Variants in DCX observed in about 807,000 individuals in gnomAD.
DCX encodes the protein neuronal migration protein doublecortin.
In DCX, 4 loss-of-function variants were observed where a neutral mutation model predicts 20.9. That is an observed-to-expected ratio of 0.19 (90% CI 0.09 to 0.44). The LOEUF is 0.44. Among genes scored for constraint, DCX ranks in the 20% least tolerant of loss-of-function variants. The pLI is 0.99. For missense variants in DCX, 133 were observed against 296.9 expected, an observed-to-expected ratio of 0.45 and a Z score of 4.06; for synonymous variants, 103 against 111.4, an observed-to-expected ratio of 0.92 and a Z score of 0.47.
At chrX:111,306,361 G>A (rs1040763461) in intron 6 of DCX, among the ~76,000 whole-genome samples, 20 of 111,706 alleles carry the variant, frequency 1.8e-4, no homozygotes, top group African/African-American at 6.2e-4. Context: ...ATGATAAAAA[G>A]AGTCAATATA....
At chrX:111,350,395 C>A (rs751266613) in intron 3 of DCX, among the ~76,000 whole-genome samples, 1 of 112,101 alleles carries the variant, frequency 8.9e-6, no homozygotes, top group African/African-American at 3.2e-5. Flanking sequence ...AAAGCCTTTA[C>A]GCATTTTGTG....
intron 3 of DCX, among the ~76,000 whole-genome samples, chrX:111,360,804 C>T (rs1569493117): frequency 9.0e-6 from 1 of 111,479 alleles, no homozygotes; most frequent in East Asian, 2.8e-4. Flanking sequence ...ATAGAAAGAG[C>T]TCTAAATGGT....
chrX:111,317,886 T>C (rs2095076720), intron 5 of DCX, among the ~76,000 whole-genome samples: 1 of 110,882 alleles, frequency 9.0e-6, no homozygotes, highest in African/African-American at 3.3e-5. Flanking sequence ...CCAGTCAGAA[T>C]GGCTATTAAT....
chrX:111,351,717 C>T (rs948316685), intron 3 of DCX, among the ~76,000 whole-genome samples: 1 of 111,853 alleles, frequency 8.9e-6, no homozygotes. Context: ...TTAGTAAATA[C>T]AGAAGGCTCA....
At chrX:111,381,789 A>G (rs1434912659) in intron 3 of DCX, among the ~76,000 whole-genome samples, 2 of 111,717 alleles carry the variant, frequency 1.8e-5, no homozygotes. Flanking sequence ...TCGTAAAACA[A>G]AAATCAACAA....
chrX:111,312,791 C>T (rs974856203), intron 5 of DCX, 55 bp from the exon 6 acceptor site: 99 of 1,091,246 alleles, frequency 9.1e-5, no homozygotes, highest in Non-Finnish European at 1.2e-4. Flanking sequence ...TACAAAGGAG[C>T]AAGTTATCCT....
rs1230856154 is a variant in DCX, at chrX:111,298,617, C to T, written c.*3070G>A. 1 of 111,826 alleles carries T rather than the reference C, an allele frequency of 8.9e-6. No homozygotes were observed. Among genetic ancestry groups the T allele is most frequent in the African/African-American group, 3.3e-5 (1 of 30,608 alleles). The allele number at this position is 111,826 out of a possible 1,213,427, so 9.2% of individuals were successfully genotyped here. Reference sequence around the variant, plus strand: ...TGTGACCTTGGGGAAATTACTTTACCTCTGTGTCTCGGTTTCCTGGCCTGA... The same window carrying T: ...TGTGACCTTGGGGAAATTACTTTACTTCTGTGTCTCGGTTTCCTGGCCTGA... On this transcript the variant is annotated 3_prime_UTR_variant, in exon 7 of 7. Transcript: ENST00000636035.
chrX:111,327,212 G>A (rs1230790032), intron 5 of DCX, among the ~76,000 whole-genome samples: 1 of 111,691 alleles, frequency 9.0e-6, no homozygotes, highest in African/African-American at 3.3e-5. Flanking sequence ...GTTGAAAGAA[G>A]TTTTATAAAT....
Position 111,376,289 on chromosome X carries a change from CAG to C in DCX, c.705+24699_705+24700del, listed in dbSNP as rs777965033. 5.4e-5 allele frequency among the ~76,000 whole-genome samples: 6 copies of C among 111,945 alleles called. No individual in the cohort carries two copies. In the East Asian group the frequency reaches 8.6e-4, roughly 16 times the overall value. On this transcript the variant is annotated intron_variant, in intron 3 of 6. Transcript: ENST00000636035. ...TAAGATGAAGCATGCATGCAGCAGT[CAG>C]AGTCTTTGCTGATTCTTGCAGAAAC...
intron 2 of DCX, among the ~76,000 whole-genome samples, chrX:111,402,232 T>C (rs1469439816): frequency 9.0e-6 from 1 of 111,715 alleles, no homozygotes; most frequent in African/African-American, 3.3e-5. Flanking sequence ...AAGGATCTAG[T>C]GTAATTTTCA....
intron 5 of DCX, among the ~76,000 whole-genome samples, chrX:111,316,161 C>A (rs1302753507): frequency 9.4e-6 from 1 of 106,462 alleles, no homozygotes; most frequent in Admixed American, 1.0e-4. Flanking sequence ...ACTGAATGGG[C>A]AAAAGCTGGA....
intron 3 of DCX, among the ~76,000 whole-genome samples, chrX:111,349,960 G>A (rs772197394): frequency 1.9e-3 from 210 of 111,622 alleles, no homozygotes; most frequent in African/African-American, 6.3e-3. Flanking sequence ...ACCACTCTTA[G>A]GCCTCAAGGA....
At chrX:111,342,381 A>ATATC (rs1251823448) in intron 3 of DCX, among the ~76,000 whole-genome samples, 1 of 73,394 alleles carries the variant, frequency 1.4e-5, no homozygotes, top group Admixed American at 1.5e-4. Context: ...ATATATATAT[A>ATATC]TCCATCCAAT....
At chrX:111,311,646 G>T (rs2095058000) in intron 6 of DCX, among the ~76,000 whole-genome samples, 1 of 112,106 alleles carries the variant, frequency 8.9e-6, no homozygotes, top group Non-Finnish European at 1.9e-5. Flanking sequence ...CACTCTTATA[G>T]CTAGATATGT....
rs1054320588 is a variant in DCX at position 111,403,050 on chromosome X, A to G, written c.365-1720T>C. 1.2e-4 allele frequency among the ~76,000 whole-genome samples: 13 copies of G among 111,062 alleles called. 1 individual carries two copies. Among genetic ancestry groups the G allele is most frequent in the Admixed American group, 8.6e-4 (9 of 10,468 alleles). On this transcript the variant is annotated intron_variant, in intron 2 of 6. Coordinates refer to ENST00000636035, the MANE Select transcript of DCX (RefSeq NM_001195553.2). ...TTGCTGGTTAATTCAACCCAACCCA[A>G]GTAATTATAGGCTGGGGTCTTTAAT...
At chrX:111,352,183 A>G (rs758599512) in intron 3 of DCX, among the ~76,000 whole-genome samples, 2 of 112,125 alleles carry the variant, frequency 1.8e-5, no homozygotes, top group Non-Finnish European at 3.8e-5. Flanking sequence ...TAAATGTCCT[A>G]CAATGCACAG....
chrX:111,311,533 A>T (rs921656179), intron 6 of DCX, among the ~76,000 whole-genome samples: 1 of 111,867 alleles, frequency 8.9e-6, no homozygotes, highest in Non-Finnish European at 1.9e-5. Flanking sequence ...CAAGTTAAAA[A>T]CGTGATGTCA....
rs768265399 is a variant in DCX at position 111,294,704 on chromosome X, G to T, written c.*6983C>A. The T allele has an allele frequency of 8.9e-6, 1 of 111,923 alleles. No homozygotes were observed. The highest frequency in any genetic ancestry group is 3.3e-5 in the African/African-American group (1 of 30,686). The allele number at this position is 111,923 out of a possible 1,213,427, so 9.2% of individuals were successfully genotyped here. On this transcript the variant is annotated 3_prime_UTR_variant, in exon 7 of 7. Coordinates refer to ENST00000636035, the MANE Select transcript of DCX (RefSeq NM_001195553.2). ...GGAGCAGGGAGAGGGAGAGGGCAAG[G>T]GGGTGGGAAGAAGGACTACAAAGAA...
intron 2 of DCX, among the ~76,000 whole-genome samples, chrX:111,406,918 T>C (rs1383941354): frequency 1.8e-5 from 2 of 112,297 alleles, no homozygotes; most frequent in African/African-American, 6.5e-5. Flanking sequence ...TACACTTGAA[T>C]GGGTAAATTT....
Sources: gnomAD v4.1 joint callset for allele counts (sites outside exome capture counted in the v4.1 genomes callset) on GRCh38, gnomAD v4.1.1 for gene constraint, MANE v1.5 for transcripts, NCBI Gene and HGNC (gene_info 2026-07-23, HGNC 2026-07-21) for gene names.